The following LOXHD1 variants were observed in gnomAD, a reference collection of about 807,000 sequenced individuals.
The protein encoded by LOXHD1 is lipoxygenase homology PLAT domains 1.
Under a neutral mutation model 248.2 loss-of-function variants are expected in LOXHD1, and 205 were observed. The observed-to-expected ratio is 0.83, with a 90% CI of 0.74 to 0.93. LOXHD1 has a LOEUF of 0.93. Ranked by LOEUF, LOXHD1 falls within the 40% of genes least tolerant of loss-of-function variation. LOXHD1 has a pLI of 0.00. For missense variants in LOXHD1, 2,930 were observed against 2,971.6 expected, an observed-to-expected ratio of 0.99 and a Z score of 0.33; for synonymous variants, 1,113 against 1,162.8, an observed-to-expected ratio of 0.96 and a Z score of 0.87.
Position 46,507,658 on chromosome 18 carries a change from A to G in LOXHD1, c.5572T>C (p.Trp1858Arg). The G allele has an allele frequency of 6.4e-7, 1 of 1,551,750 alleles. No individual in the cohort carries two copies. Among genetic ancestry groups the G allele is most frequent in the African/African-American group, 1.4e-5 (1 of 73,180 alleles). Residue 1858 changes from tryptophan to arginine, a missense_variant, in exon 36 of 41, where the codon TGG becomes CGG. By Grantham distance (101) the Trp-to-Arg change is moderately radical. Transcript: ENST00000642948. ...GDLTMFYYGD[W>R]LSQRKGKKTL... ...TTCTTGCCCTTCCGCTGGGACAGCC[A>G]GTCTCCATAGTAGAACATGGTCAGG... is the stretch of plus-strand genomic sequence containing the variant.
At chr18:46,546,574 A>G (rs1198595180) in intron 22 of LOXHD1, among the ~76,000 whole-genome samples, 1 of 150,986 alleles carries the variant, frequency 6.6e-6, no homozygotes, top group African/African-American at 2.4e-5. Flanking sequence ...ATTCCAATCT[A>G]TTCCATTCCA....
intron 20 of LOXHD1, chr18:46,557,813 T>G: frequency 7.8e-7 from 1 of 1,273,918 alleles, no homozygotes; most frequent in Non-Finnish European, 1.0e-6. Context: ...GGGTGTTTTG[T>G]GTGCAAGAGA....
chr18:46,556,844 C>G (rs2037358002), intron 21 of LOXHD1: 2 of 209,264 alleles, frequency 9.6e-6, no homozygotes, highest in African/African-American at 4.8e-5. Flanking sequence ...AGATGTCACC[C>G]AGTCCACCCT....
rs765436710 is a variant in LOXHD1, at chr18:46,610,788, C to G, written c.747G>C (p.Trp249Cys). 2.3e-5 allele frequency: 35 copies of G among 1,551,142 alleles called. No individual in the cohort carries two copies. Among genetic ancestry groups the G allele is most frequent in the Non-Finnish European group, 3.0e-5 (34 of 1,146,760 alleles). ...CAGCTGAACTCACCTGGGACAGGAA[C>G]CAACCTGCAGAGCCCCCCTTATTGT... The part of the protein sequence containing the change: ...GHNNKGGSAG[W>C]FLSQIVIEDI... Residue 249 changes from tryptophan (W) to cysteine (C), a missense_variant, in exon 6 of 41, where the codon TGG (tryptophan) becomes TGC (cysteine). Trp to Cys is a radical substitution (Grantham distance 215, BLOSUM62 -2). Transcript: ENST00000642948.
chr18:46,494,098 C>T (rs929484011), intron 37 of LOXHD1, among the ~76,000 whole-genome samples: 22 of 152,166 alleles, frequency 1.4e-4, no homozygotes, highest in Admixed American at 1.4e-3. Flanking sequence ...AGGCTCTCAG[C>T]GTTTTTTGCT....
chr18:46,560,048 T>TGGCA, intron 19 of LOXHD1, 35 bp downstream of exon 19: 1 of 1,226,298 alleles, frequency 8.2e-7, no homozygotes, highest in Non-Finnish European at 1.1e-6. Flanking sequence ...GTCTGGCCAC[T>TGGCA]CCCTCCCCAC....
chr18:46,657,039 C>T lies in LOXHD1; in HGVS notation c.-6G>A, dbSNP rs894848254. 1.9e-6 allele frequency: 3 copies of T among 1,551,466 alleles called. No individual in the cohort carries two copies. The highest frequency in any genetic ancestry group is 1.7e-4 in the Middle Eastern group (1 of 6,014). On this transcript the variant is annotated 5_prime_UTR_variant, in exon 1 of 41. Coordinates refer to ENST00000642948, the MANE Select transcript of LOXHD1 (RefSeq NM_001384474.1). ...CTTTTCTTCTGGGGCATCATTCTGT[C>T]GGCTGCCTTCTCCCAGCGCTCGCAG...
intron 14 of LOXHD1, 25 bp from the exon 15 acceptor site, chr18:46,572,187 A>G (rs1451778749): frequency 1.3e-6 from 2 of 1,546,918 alleles, no homozygotes; most frequent in Non-Finnish European, 1.8e-6. Context: ...GGGGAATGTT[A>G]GCTCTTTGGG....
At chr18:46,503,382 T>G (rs2143844928) in intron 37 of LOXHD1, among the ~76,000 whole-genome samples, 1 of 152,272 alleles carries the variant, frequency 6.6e-6, no homozygotes, top group Admixed American at 6.5e-5. Context: ...GTCAAATCCC[T>G]CTAATTAGGC....
chr18:46,537,450 C>A (rs533812240), intron 26 of LOXHD1, among the ~76,000 whole-genome samples: 4 of 152,172 alleles, frequency 2.6e-5, no homozygotes, highest in African/African-American at 9.6e-5. Flanking sequence ...CTCTCATTAC[C>A]TTTGTTGGGA....
intron 2 of LOXHD1, among the ~76,000 whole-genome samples, chr18:46,643,707 C>T (rs1484667537): frequency 6.6e-6 from 1 of 152,156 alleles, no homozygotes; most frequent in East Asian, 1.9e-4. Flanking sequence ...GGGCTTTTCT[C>T]TTCCAATATA....
At chr18:46,627,024 T>C (rs1350660961) in intron 4 of LOXHD1, among the ~76,000 whole-genome samples, 1 of 152,240 alleles carries the variant, frequency 6.6e-6, no homozygotes, top group Non-Finnish European at 1.5e-5. Context: ...GAAGATTTTC[T>C]TATTCTTCTG....
At chr18:46,614,797 CTTAAT>C (rs546096869) in intron 5 of LOXHD1, among the ~76,000 whole-genome samples, 2 of 151,852 alleles carry the variant, frequency 1.3e-5, no homozygotes, top group African/African-American at 2.4e-5. Flanking sequence ...ATTTCTTTCT[CTTAAT>C]TTATCAGCCT....
At chr18:46,514,146 C>T (rs377009820) in intron 34 of LOXHD1, among the ~76,000 whole-genome samples, 1 of 152,218 alleles carries the variant, frequency 6.6e-6, no homozygotes, top group Non-Finnish European at 1.5e-5. Flanking sequence ...AAGGTCAAAT[C>T]TTAAACAGAT....
At chr18:46,587,284 G>A (rs2144198588) in intron 12 of LOXHD1, among the ~76,000 whole-genome samples, 1 of 152,352 alleles carries the variant, frequency 6.6e-6, no homozygotes, top group African/African-American at 2.4e-5. Context: ...AGGACTGAAG[G>A]TGGAAACATG....
At chr18:46,574,388 T>TAC (rs569144159) in intron 14 of LOXHD1, among the ~76,000 whole-genome samples, 1,720 of 125,252 alleles carry the variant, frequency 0.014, 21 homozygotes, top group Non-Finnish European at 0.015. Context: ...TGTGTACACA[T>TAC]ACACACACAC....
At position 46,543,456 on chromosome 18, in the gene LOXHD1, C is replaced by A. The variant is rs1015061977; in HGVS notation, c.3620-601G>T. On this transcript the variant is annotated intron_variant, in intron 23 of 40. Coordinates refer to ENST00000642948, the MANE Select transcript of LOXHD1 (RefSeq NM_001384474.1). ...ATTACACTTTAAGTTCTGGGGTACACGTGCAGAACATGAGGTTTTTTTACA... is the reference window on the plus strand; with the variant it reads ...ATTACACTTTAAGTTCTGGGGTACAAGTGCAGAACATGAGGTTTTTTTACA... Among the ~76,000 whole-genome samples, 7 of 152,132 alleles carry A rather than the reference C, an allele frequency of 4.6e-5. No homozygotes were observed. The East Asian group carries it at 1.4e-3, about 29-fold the overall frequency.
Position 46,505,920 on chromosome 18 carries a change from C to T in LOXHD1, c.5796G>A (p.Arg1932=), listed in dbSNP as rs1260649434. ...KQSANWNKFE[R]NNTDTFNFPD... ...GGAAGTTGAATGTGTCCGTGTTGTT[C>T]CGCTCAAACTTGTTCCAGTTTGCCG... The change falls in exon 37 of 41, where the codon CGG becomes CGA. Residue 1932 remains arginine, a synonymous_variant. Coordinates refer to ENST00000642948, the MANE Select transcript of LOXHD1 (RefSeq NM_001384474.1). The T allele has an allele frequency of 1.9e-6, 3 of 1,551,854 alleles. No individual in the cohort carries two copies. Among genetic ancestry groups the T allele is most frequent in the Non-Finnish European group, 1.7e-6 (2 of 1,147,066 alleles).
At position 46,569,444 on chromosome 18, in the gene LOXHD1, T is replaced by C. The variant is rs1398580233; in HGVS notation, c.2242A>G (p.Asn748Asp). The C allele has an allele frequency of 6.4e-7, 1 of 1,551,536 alleles. No individual in the cohort carries two copies. Among genetic ancestry groups the C allele is most frequent in the Non-Finnish European group, 8.7e-7 (1 of 1,146,596 alleles). ...ATGGTCTTGGGAAGGAGACTTACAT[T>C]TCCAATGTTCAGGGTCTCGAGGGTG... ...EFTLETLNIG[N>D]INRLVIGHDS... is the part of the protein sequence containing the mutation. The change falls in exon 16 of 41, where the codon AAT becomes GAT. Residue 748 changes from asparagine to aspartate, a missense_variant and splice_region_variant. Asn to Asp is a conservative substitution (Grantham distance 23). Transcript: ENST00000642948.
Sources: allele counts gnomAD v4.1 joint callset (sites outside exome capture counted in the v4.1 genomes callset), GRCh38; gene constraint gnomAD v4.1.1; transcripts MANE v1.5; gene names NCBI Gene and HGNC (gene_info 2026-07-23, HGNC 2026-07-21).